Variants in PRORP observed in about 807,000 individuals in gnomAD.
PRORP encodes protein only RNase P catalytic subunit.
A neutral mutation model predicts 59.4 loss-of-function variants in PRORP; 51 were observed. That is an observed-to-expected ratio of 0.86 (90% CI 0.69 to 1.08). The LOEUF is 1.08. Ranked by LOEUF, PRORP falls within the 50% of genes least tolerant of loss-of-function variation. The probability of loss-of-function intolerance (pLI) is 0.00; values close to 1 mark genes in which losing one functional copy is unlikely to be tolerated. For missense variants in PRORP, 646 were observed against 690.3 expected (o/e 0.94, Z 0.72); for synonymous variants, 231 against 245.6 (o/e 0.94, Z 0.55).
intron 5 of PRORP, among the ~76,000 whole-genome samples, chr14:35,190,590 C>T (rs1380087925): frequency 6.6e-6 from 1 of 152,006 alleles, no homozygotes; most frequent in Non-Finnish European, 1.5e-5. Context: ...ATTGCAACCT[C>T]CGCCTCCGGA....
rs1195687191 is a variant in PRORP at position 35,182,974 on chromosome 14, C to CT, written c.1275+2198dup. On this transcript the variant is annotated intron_variant, in intron 5 of 7. Coordinates refer to ENST00000534898, the MANE Select transcript of PRORP (RefSeq NM_014672.4). Reference sequence around the variant, plus strand: ...AGAAAAATCTAAACAACCTAAATATCTATCAATCTTAAGCCCGATACATAT... The same window carrying CT: ...AGAAAAATCTAAACAACCTAAATATCTTATCAATCTTAAGCCCGATACATAT... Among the ~76,000 whole-genome samples, 7 of 152,210 alleles carry CT rather than the reference C, an allele frequency of 4.6e-5. No individual in the cohort carries two copies. The East Asian group carries it at 1.3e-3, about 29-fold the overall frequency.
intron 4 of PRORP, among the ~76,000 whole-genome samples, chr14:35,156,298 G>A (rs1368847793): frequency 6.6e-6 from 1 of 152,140 alleles, no homozygotes; most frequent in Admixed American, 6.5e-5. Flanking sequence ...CATTTTCCTT[G>A]GTTATGAAGC....
chr14:35,196,844 C>T (rs1405738371), intron 5 of PRORP, among the ~76,000 whole-genome samples: 1 of 152,184 alleles, frequency 6.6e-6, no homozygotes, highest in Non-Finnish European at 1.5e-5. Context: ...TCGTCTGCAT[C>T]ACTCAGAATT....
intron 5 of PRORP, among the ~76,000 whole-genome samples, chr14:35,245,569 CAGG>C (rs2050463669): frequency 1.3e-5 from 2 of 152,124 alleles, no homozygotes; most frequent in Non-Finnish European, 2.9e-5. Flanking sequence ...CGCTTGAGTC[CAGG>C]AGGTCTAGGT....
intron 4 of PRORP, among the ~76,000 whole-genome samples, chr14:35,149,432 C>T (rs1042002591): frequency 3.3e-5 from 5 of 152,110 alleles, no homozygotes; most frequent in Admixed American, 2.6e-4. Context: ...AGACTGGTCT[C>T]GAACGCCTGA....
chr14:35,176,140 A>G (rs55747728), intron 4 of PRORP, among the ~76,000 whole-genome samples: 9,342 of 152,160 alleles, frequency 0.061, 480 homozygotes, highest in African/African-American at 0.14. Flanking sequence ...TTTGGTTACT[A>G]TAACCTTGTA....
Position 35,124,149 on chromosome 14 carries a change from C to A in PRORP, c.904C>A (p.Leu302Ile), listed in dbSNP as rs1280109077. 1 of 1,604,536 alleles carries A rather than the reference C, an allele frequency of 6.2e-7. No individual in the cohort carries two copies. Among genetic ancestry groups the A allele is most frequent in the Non-Finnish European group, 8.5e-7 (1 of 1,174,234 alleles). ...IKDDNYSNKL[L>I]DILSYLRNNQ... is the part of the protein sequence containing the mutation. ...GGATGATAACTATTCAAATAAACTA[C>A]TAGATATTCTTTCATATCTAAGAAA... The change falls in exon 2 of 8, where the codon CTA (leucine) becomes ATA (isoleucine). Residue 302 changes from leucine to isoleucine, a missense_variant. Transcript: ENST00000534898.
chr14:35,148,648 GTTTTGA>G (rs1464866277), intron 4 of PRORP, among the ~76,000 whole-genome samples: 1 of 152,172 alleles, frequency 6.6e-6, no homozygotes, highest in Non-Finnish European at 1.5e-5. Flanking sequence ...GTCCCTTGAA[GTTTTGA>G]AGTCAAGCAT....
chr14:35,157,668 TGTG>T (rs1348580570), intron 4 of PRORP, among the ~76,000 whole-genome samples: 7 of 152,106 alleles, frequency 4.6e-5, no homozygotes, highest in Non-Finnish European at 1.0e-4. Flanking sequence ...GGGATTACAG[TGTG>T]AGCCACGGTG....
At chr14:35,151,496 A>G (rs1032479195) in intron 4 of PRORP, among the ~76,000 whole-genome samples, 6 of 152,072 alleles carry the variant, frequency 3.9e-5, no homozygotes, top group Admixed American at 2.6e-4. Flanking sequence ...TTTTCCTTCT[A>G]GCTATTCAGG....
At chr14:35,154,712 AAAG>A (rs1169389577) in intron 4 of PRORP, among the ~76,000 whole-genome samples, 7 of 152,144 alleles carry the variant, frequency 4.6e-5, no homozygotes, top group Admixed American at 4.6e-4. Flanking sequence ...AAAAAAAAAA[AAAG>A]AGATGGAGCA....
At chr14:35,129,452 T>C (rs1291895336) in intron 4 of PRORP, among the ~76,000 whole-genome samples, 1 of 152,020 alleles carries the variant, frequency 6.6e-6, no homozygotes, top group Non-Finnish European at 1.5e-5. Context: ...TCTTGCTTTT[T>C]ATTTTTTGTG....
chr14:35,171,418 G>A (rs2048310481), intron 4 of PRORP, among the ~76,000 whole-genome samples: 1 of 152,158 alleles, frequency 6.6e-6, no homozygotes, highest in South Asian at 2.1e-4. Context: ...ATTGTGGATT[G>A]AAAGCAGTTT....
chr14:35,126,551 C>G (rs1357269312), intron 2 of PRORP, among the ~76,000 whole-genome samples, 184 bp from the exon 3 acceptor site: 2 of 152,180 alleles, frequency 1.3e-5, no homozygotes, highest in Non-Finnish European at 2.9e-5. Flanking sequence ...AGATCCAGAG[C>G]AGAGTACCAG....
chr14:35,239,704 A>G (rs187596131), intron 5 of PRORP, among the ~76,000 whole-genome samples: 3 of 152,338 alleles, frequency 2.0e-5, no homozygotes, highest in Non-Finnish European at 1.5e-5. Flanking sequence ...TACCAGTGTC[A>G]TGCCAAATCA....
At chr14:35,154,370 G>A (rs1201627876) in intron 4 of PRORP, among the ~76,000 whole-genome samples, 1 of 152,190 alleles carries the variant, frequency 6.6e-6, no homozygotes, top group African/African-American at 2.4e-5. Flanking sequence ...AATATCTAAA[G>A]GGAGAAATTC....
intron 5 of PRORP, among the ~76,000 whole-genome samples, chr14:35,253,046 T>C (rs919211137): frequency 2.0e-5 from 3 of 152,262 alleles, no homozygotes; most frequent in Non-Finnish European, 2.9e-5. Flanking sequence ...TGAGAAACTT[T>C]CTGCTGGTCA....
At chr14:35,142,139 A>G (rs530305762) in intron 4 of PRORP, among the ~76,000 whole-genome samples, 1 of 143,998 alleles carries the variant, frequency 6.9e-6, no homozygotes, top group Non-Finnish European at 1.5e-5. Flanking sequence ...TCGGCCTCCT[A>G]AAGTGCTGGG....
chr14:35,267,980 G>A (rs1174587516), intron 6 of PRORP, among the ~76,000 whole-genome samples: 1 of 152,164 alleles, frequency 6.6e-6, no homozygotes, highest in Non-Finnish European at 1.5e-5. Context: ...TATTCTAAGT[G>A]TAGGGAGAAA....
Sources: allele counts gnomAD v4.1 joint callset (sites outside exome capture counted in the v4.1 genomes callset), GRCh38; gene constraint gnomAD v4.1.1; transcripts MANE v1.5; gene names NCBI Gene and HGNC (gene_info 2026-07-23, HGNC 2026-07-21).